PRKN: variants seen among roughly 807,000 people sequenced by gnomAD.
PRKN encodes E3 ubiquitin-protein ligase parkin.
Under a neutral mutation model 59.5 loss-of-function variants are expected in PRKN, and 56 were observed. The ratio of observed to expected loss-of-function variants is 0.94; its 90% CI spans 0.76 to 1.18. PRKN has a LOEUF of 1.18. Among genes scored for constraint, PRKN ranks in the 50% most tolerant of loss-of-function variants. The probability of loss-of-function intolerance (pLI) is 0.00; values close to 1 mark genes in which losing one functional copy is unlikely to be tolerated. For synonymous variants in PRKN, 250 were observed against 222.1 expected, an observed-to-expected ratio of 1.13 and a Z score of -1.12; for missense variants, 657 against 596.4, an observed-to-expected ratio of 1.10 and a Z score of -1.06.
intron 1 of PRKN, among the ~76,000 whole-genome samples, chr6:162,533,414 G>C (rs1281897831): frequency 6.6e-6 from 1 of 152,124 alleles, no homozygotes; most frequent in South Asian, 2.1e-4. Context: ...TGTAATCCCA[G>C]CTACTTGGGG....
At chr6:161,911,109 TC>T (rs1778345100) in intron 6 of PRKN, among the ~76,000 whole-genome samples, 1 of 152,192 alleles carries the variant, frequency 6.6e-6, no homozygotes, top group African/African-American at 2.4e-5. Flanking sequence ...AAATGGACTT[TC>T]TTTTACTAAG....
At chr6:162,463,113 T>C (rs1791248831) in intron 1 of PRKN, among the ~76,000 whole-genome samples, 1 of 151,962 alleles carries the variant, frequency 6.6e-6, no homozygotes. Context: ...AACCACGTCA[T>C]CTTTGAGCAT....
At chr6:162,282,602 A>G (rs1197723388) in intron 2 of PRKN, among the ~76,000 whole-genome samples, 1 of 152,178 alleles carries the variant, frequency 6.6e-6, no homozygotes, top group Non-Finnish European at 1.5e-5. Context: ...AACAATCTAA[A>G]CAGTCATCAA....
intron 7 of PRKN, among the ~76,000 whole-genome samples, chr6:161,733,806 A>ATATATG (rs1562641912): frequency 1.4e-5 from 2 of 142,204 alleles, no homozygotes; most frequent in African/African-American, 5.2e-5. Flanking sequence ...ATGTATATAT[A>ATATATG]TATATATATA....
chr6:162,490,537 C>T (rs1200914668), intron 1 of PRKN, among the ~76,000 whole-genome samples: 3 of 152,140 alleles, frequency 2.0e-5, no homozygotes, highest in African/African-American at 7.2e-5. Flanking sequence ...CCATAGTTTC[C>T]TGTAATCCCT....
At chr6:162,624,931 A>T (rs73595996) in intron 1 of PRKN, among the ~76,000 whole-genome samples, 4,103 of 152,286 alleles carry the variant, frequency 0.027, 190 homozygotes, top group African/African-American at 0.092. Flanking sequence ...ATAAAATTAA[A>T]TACCTAAGTG....
chr6:161,814,032 C>T (rs1468961456), intron 6 of PRKN, among the ~76,000 whole-genome samples: 1 of 152,054 alleles, frequency 6.6e-6, no homozygotes, highest in South Asian at 2.1e-4. Context: ...AAAGAGGATC[C>T]TTTTATCTTA....
intron 3 of PRKN, among the ~76,000 whole-genome samples, chr6:162,239,661 G>C (rs543756406): frequency 1.3e-5 from 2 of 151,980 alleles, no homozygotes; most frequent in Non-Finnish European, 2.9e-5. Flanking sequence ...TATGTTCAGC[G>C]TAAGAGCAAA....
chr6:162,618,270 T>G (rs926612960), intron 1 of PRKN, among the ~76,000 whole-genome samples: 1 of 152,114 alleles, frequency 6.6e-6, no homozygotes, highest in African/African-American at 2.4e-5. Context: ...ATCTTATCAA[T>G]GCATGGATAA....
At chr6:162,454,582 CTCT>C (rs1307883070) in intron 1 of PRKN, among the ~76,000 whole-genome samples, 1 of 152,200 alleles carries the variant, frequency 6.6e-6, no homozygotes, top group East Asian at 1.9e-4. Context: ...AAACTCCCTC[CTCT>C]GTGTCAGTGG....
At chr6:162,511,197 A>G (rs531782082) in intron 1 of PRKN, among the ~76,000 whole-genome samples, 1 of 151,750 alleles carries the variant, frequency 6.6e-6, no homozygotes, top group East Asian at 1.9e-4. Flanking sequence ...CTAATTTAAT[A>G]TTACTTTTTT....
intron 9 of PRKN, among the ~76,000 whole-genome samples, chr6:161,404,471 C>T (rs9365287): frequency 0.062 from 9,413 of 152,168 alleles, 428 homozygotes; most frequent in South Asian, 0.19. Context: ...TTCATCAAGA[C>T]GCAAACAAGA....
rs139698243 is a variant in PRKN, at chr6:161,445,571, C to T, written c.1084-58694G>A. ...AAGTGTCAGCTGGCTGCCATCCCAG[C>T]GTCTGACAGGGCAGCAGGAGAAAGA... On this transcript the variant is annotated intron_variant, in intron 9 of 11. Coordinates refer to ENST00000366898, the MANE Select transcript of PRKN (RefSeq NM_004562.3). The surrounding 1 kb of genome is among the most constrained non-coding windows in gnomAD (Gnocchi z 7.7). Among the ~76,000 whole-genome samples, 73 of 152,364 alleles carry T rather than the reference C, an allele frequency of 4.8e-4. No homozygotes were observed. The highest frequency in any genetic ancestry group is 1.1e-3 in the African/African-American group (45 of 41,590).
At chr6:162,044,907 T>C (rs1784195263) in intron 5 of PRKN, among the ~76,000 whole-genome samples, 1 of 152,212 alleles carries the variant, frequency 6.6e-6, no homozygotes, top group Non-Finnish European at 1.5e-5. Flanking sequence ...TCCTCTGCCC[T>C]ATTCACAGAG....
At chr6:162,709,591 T>C (rs1211732814) in intron 1 of PRKN, among the ~76,000 whole-genome samples, 5 of 152,208 alleles carry the variant, frequency 3.3e-5, no homozygotes, top group Non-Finnish European at 5.9e-5. Context: ...GGGCAATTGA[T>C]GCCAATATGC....
chr6:162,570,639 T>TA (rs1358666255), intron 1 of PRKN, among the ~76,000 whole-genome samples: 1 of 152,102 alleles, frequency 6.6e-6, no homozygotes, highest in African/African-American at 2.4e-5. Flanking sequence ...TATTCAGCCA[T>TA]AAAAAAGAGT....
At chr6:162,456,064 C>G (rs1489262098) in intron 1 of PRKN, among the ~76,000 whole-genome samples, 1 of 152,044 alleles carries the variant, frequency 6.6e-6, no homozygotes, top group Non-Finnish European at 1.5e-5. Flanking sequence ...ATTGACAGAT[C>G]ACTGGAGTAA....
At chr6:162,568,584 A>AAGGAGC in intron 1 of PRKN, 1 of 779,650 alleles carries the variant, frequency 1.3e-6, no homozygotes, top group East Asian at 2.7e-5. Context: ...GGAGAAGGAG[A>AAGGAGC]AGGAGCAGAT....
chr6:161,567,022 G>GTTTTTTT (rs71917520), intron 8 of PRKN, among the ~76,000 whole-genome samples: 27 of 87,082 alleles, frequency 3.1e-4, no homozygotes, highest in African/African-American at 5.5e-4. Context: ...CACTGTCCTT[G>GTTTTTTT]TTTTTTTTTT....
Sources: allele counts gnomAD v4.1 joint callset (sites outside exome capture counted in the v4.1 genomes callset), GRCh38; gene constraint gnomAD v4.1.1; non-coding constraint Gnocchi (gnomAD v3.1); transcripts MANE v1.5; gene names NCBI Gene and HGNC (gene_info 2026-07-23, HGNC 2026-07-21).